ANXA8: variants seen among roughly 807,000 people sequenced by gnomAD.
ANXA8 encodes VAC-beta.
ANXA8 carries 9 observed loss-of-function variants against 26.8 expected under a neutral mutation model. The observed-to-expected ratio is 0.34, with a 90% CI of 0.20 to 0.59. The LOEUF is 0.59. ANXA8 is among the 20% of genes least tolerant of loss of function. ANXA8 has a pLI of 0.84. For missense variants in ANXA8, 83 were observed against 238.5 expected, an observed-to-expected ratio of 0.35 and a Z score of 4.29; for synonymous variants, 39 against 94.8, an observed-to-expected ratio of 0.41 and a Z score of 3.42.
the ANXA8 span, among the ~76,000 whole-genome samples, chr10:47,665,881 A>T: frequency 6.6e-6 from 1 of 151,876 alleles, no homozygotes; most frequent in Non-Finnish European, 1.5e-5. Context: ...TTTGGAGAGC[A>T]CAATCTGTGC....
the ANXA8 span, among the ~76,000 whole-genome samples, chr10:47,489,419 A>G: frequency 0.019 from 2,809 of 147,480 alleles, 9 homozygotes; most frequent in African/African-American, 0.068. Context: ...AACGCAGTAC[A>G]GTCTGTGGCC....
chr10:47,721,188 T>C, the ANXA8 span, among the ~76,000 whole-genome samples: 1 of 141,666 alleles, frequency 7.1e-6, no homozygotes, highest in Non-Finnish European at 1.6e-5. Context: ...ACAAACAACA[T>C]TGATTTATTA....
chr10:47,489,298 A>G, the ANXA8 span, among the ~76,000 whole-genome samples: 15 of 143,064 alleles, frequency 1.0e-4, no homozygotes, highest in East Asian at 2.7e-4. Context: ...GATTACAGGC[A>G]TGAGCCACCG....
chr10:47,672,588 C>T, the ANXA8 span, among the ~76,000 whole-genome samples: 124 of 151,868 alleles, frequency 8.2e-4, 2 homozygotes, highest in African/African-American at 2.9e-3. Context: ...AATTCCTGCC[C>T]TTGTGGAGGA....
At chr10:47,716,247 CT>C in the ANXA8 span, among the ~76,000 whole-genome samples, 1 of 115,858 alleles carries the variant, frequency 8.6e-6, no homozygotes, top group African/African-American at 4.0e-5. Context: ...AAGGCTACCA[CT>C]TGTGGTAAAA....
chr10:47,750,849 C>A, the ANXA8 span: 3 of 151,878 alleles, frequency 2.0e-5, no homozygotes, highest in Non-Finnish European at 4.4e-5. Context: ...AACCTGCACA[C>A]ACACACAAAA....
At chr10:47,761,061 C>A in the ANXA8 span, 2 of 605,900 alleles carry the variant, frequency 3.3e-6, no homozygotes, top group Admixed American at 6.1e-5. Context: ...GGCCAGGGCA[C>A]CATTTTCTGG....
intron 1 of ANXA8, among the ~76,000 whole-genome samples, chr10:47,481,384 ACTCAGAAGCTGAG>A (rs1432480361): frequency 7.3e-6 from 1 of 137,816 alleles, no homozygotes; most frequent in Admixed American, 7.4e-5. Context: ...CCCCAGCCTG[ACTCAGAAGCTGAG>A]CTCTATCTAC....
chr10:47,510,062 T>C, the ANXA8 span: 14 of 1,492,988 alleles, frequency 9.4e-6, 1 homozygote, highest in Non-Finnish European at 1.2e-5. Flanking sequence ...TGAATATCAA[T>C]ATATGGTTGA....
At chr10:47,713,270 TG>T in the ANXA8 span, among the ~76,000 whole-genome samples, 1 of 115,446 alleles carries the variant, frequency 8.7e-6, no homozygotes, top group African/African-American at 3.5e-5. Flanking sequence ...GAATAGTTAA[TG>T]TTTGGAAAAT....
the ANXA8 span, among the ~76,000 whole-genome samples, chr10:47,907,337 A>G: frequency 2.6e-5 from 4 of 152,070 alleles, no homozygotes; most frequent in African/African-American, 9.7e-5. Context: ...AGCCTGGGCG[A>G]CAGAGCGAGA....
chr10:47,686,535 AG>A, the ANXA8 span, among the ~76,000 whole-genome samples: 14 of 151,800 alleles, frequency 9.2e-5, no homozygotes, highest in African/African-American at 3.4e-4. Flanking sequence ...TATAATTGTC[AG>A]TTTGTTTTTC....
chr10:47,676,290 A>C, the ANXA8 span, among the ~76,000 whole-genome samples: 2 of 151,918 alleles, frequency 1.3e-5, no homozygotes, highest in Non-Finnish European at 2.9e-5. Flanking sequence ...GGAACTTCTA[A>C]AATTGATGAG....
the ANXA8 span, among the ~76,000 whole-genome samples, chr10:47,490,038 A>T: frequency 6.7e-6 from 1 of 149,928 alleles, no homozygotes; most frequent in African/African-American, 2.5e-5. Context: ...ATGAGCAGGC[A>T]GTCTTGCCAG....
chr10:47,680,636 A>C, the ANXA8 span, among the ~76,000 whole-genome samples: 41 of 132,292 alleles, frequency 3.1e-4, no homozygotes, highest in Admixed American at 2.9e-3. Context: ...CTCCATCTCA[A>C]AAAAAAAAAA....
chr10:47,680,943 TCTA>T, the ANXA8 span, among the ~76,000 whole-genome samples: 1 of 150,916 alleles, frequency 6.6e-6, no homozygotes, highest in Non-Finnish European at 1.5e-5. Context: ...TAACTTGGAT[TCTA>T]GCTCCACATT....
At chr10:47,641,101 CTG>C in the ANXA8 span, among the ~76,000 whole-genome samples, 2 of 148,354 alleles carry the variant, frequency 1.3e-5, no homozygotes, top group African/African-American at 5.1e-5. Context: ...TTTGAGTTTT[CTG>C]TGTCTTAGTT....
chr10:47,477,300 G>A, intron 3 of ANXA8, 106 bp from the exon 4 acceptor site: 2 of 1,572,076 alleles, frequency 1.3e-6, no homozygotes, highest in South Asian at 1.1e-5. Context: ...GATTCTGCGT[G>A]GGCCTTGCCA....
At chr10:47,633,807 C>G in the ANXA8 span, among the ~76,000 whole-genome samples, 13 of 150,268 alleles carry the variant, frequency 8.7e-5, no homozygotes, top group Non-Finnish European at 1.2e-4. Flanking sequence ...GATCCTACCC[C>G]CTGACATCCC....
Sources: gnomAD v4.1 joint callset for allele counts (sites outside exome capture counted in the v4.1 genomes callset) on GRCh38, gnomAD v4.1.1 for gene constraint, MANE v1.5 for transcripts, NCBI Gene and HGNC (gene_info 2026-07-23, HGNC 2026-07-21) for gene names.